ZFYVE1: variants seen among roughly 807,000 people sequenced by gnomAD.
ZFYVE1 encodes zinc finger FYVE-type containing 1.
ZFYVE1 carries 30 observed loss-of-function variants against 74.4 expected under a neutral mutation model. The ratio of observed to expected loss-of-function variants is 0.40; its 90% CI spans 0.30 to 0.55. The LOEUF (loss-of-function observed/expected upper bound fraction) is 0.55. ZFYVE1 is among the 20% of genes least tolerant of loss of function. The pLI is 0.42. For missense variants in ZFYVE1, 703 were observed against 1,011.6 expected (o/e 0.69, Z 4.14); for synonymous variants, 335 against 385.1 (o/e 0.87, Z 1.52).
At chr14:72,999,953 C>T (rs1312107125) in intron 2 of ZFYVE1, among the ~76,000 whole-genome samples, 1 of 151,972 alleles carries the variant, frequency 6.6e-6, no homozygotes, top group Non-Finnish European at 1.5e-5. Context: ...CCCAGCTACT[C>T]GGGAGGCTGA....
intron 4 of ZFYVE1, among the ~76,000 whole-genome samples, chr14:72,988,426 C>T (rs918761865): frequency 2.0e-5 from 3 of 151,806 alleles, no homozygotes; most frequent in African/African-American, 4.8e-5. Context: ...CTGCCTGCTT[C>T]AGCCTCCCAA....
chr14:73,006,776 C>T (rs1399672797), intron 2 of ZFYVE1, among the ~76,000 whole-genome samples: 6 of 143,726 alleles, frequency 4.2e-5, no homozygotes, highest in African/African-American at 1.0e-4. Context: ...AGTGCAGTGC[C>T]GCAATCTTGG....
intron 2 of ZFYVE1, among the ~76,000 whole-genome samples, chr14:73,018,430 CAAAAAAAAAAA>C (rs397853346): frequency 5.4e-5 from 3 of 55,978 alleles, no homozygotes; most frequent in South Asian, 1.5e-3. Context: ...GACTCCATCT[CAAAAAAAAAAA>C]AAAAAAAAAA....
intron 6 of ZFYVE1, among the ~76,000 whole-genome samples, chr14:72,978,612 A>G (rs1893242329): frequency 6.6e-6 from 1 of 150,856 alleles, no homozygotes; most frequent in African/African-American, 2.4e-5. Context: ...AATGTTCGAT[A>G]TAAATTACCC....
intron 2 of ZFYVE1, among the ~76,000 whole-genome samples, chr14:73,013,452 G>C (rs1333099714): frequency 6.6e-6 from 1 of 151,908 alleles, no homozygotes; most frequent in Non-Finnish European, 1.5e-5. Context: ...CACTAAAAAT[G>C]CAAAAATTAG....
intron 2 of ZFYVE1, 52 bp downstream of exon 2, chr14:73,023,974 A>C (rs1405610971): frequency 5.1e-6 from 8 of 1,569,622 alleles, no homozygotes; most frequent in Non-Finnish European, 6.9e-6. Context: ...GCTGGCTTCC[A>C]ACAACAGATC....
At chr14:72,972,562 G>A (rs1206335034) in intron 11 of ZFYVE1, among the ~76,000 whole-genome samples, 1 of 152,128 alleles carries the variant, frequency 6.6e-6, no homozygotes, top group Non-Finnish European at 1.5e-5. Context: ...ACTTTTGCTC[G>A]CTCCCCTACA....
chr14:73,003,708 T>TG (rs562786606), intron 2 of ZFYVE1, among the ~76,000 whole-genome samples: 5 of 148,662 alleles, frequency 3.4e-5, no homozygotes, highest in South Asian at 2.2e-4. Flanking sequence ...AGACTCTAAC[T>TG]GGAAAAAAAA....
intron 2 of ZFYVE1, among the ~76,000 whole-genome samples, chr14:73,011,676 T>C (rs1049035015): frequency 1.3e-5 from 2 of 150,696 alleles, no homozygotes; most frequent in Non-Finnish European, 3.0e-5. Context: ...CCTACCACCA[T>C]GCCAGGCTAA....
chr14:73,018,770 C>T (rs1458996833), intron 2 of ZFYVE1, among the ~76,000 whole-genome samples: 1 of 152,000 alleles, frequency 6.6e-6, no homozygotes, highest in East Asian at 1.9e-4. Context: ...GGGGAAACCC[C>T]ATCTCTACTA....
chr14:72,975,654 G>A lies in ZFYVE1; in HGVS notation c.1703C>T (p.Ala568Val). ...AAGGCTAAGCTCGGACACCGACTGAGCCATGAAGTTCATCCCGTCCAACAG... is the reference window on the plus strand; with the variant it reads ...AAGGCTAAGCTCGGACACCGACTGAACCATGAAGTTCATCCCGTCCAACAG... ...QRLLDGMNFM[A>V]QSVSELSLGP... Residue 568 changes from alanine to valine, a missense_variant, in exon 9 of 12, where the codon GCT becomes GTT. Ala to Val is a moderately conservative substitution (Grantham distance 64). This residue lies in a region of ZFYVE1 where 492 missense variants were observed against 790.0 expected (regional missense o/e 0.62). Transcript: ENST00000556143. The surrounding 1 kb of genome is among the most constrained non-coding windows in gnomAD (Gnocchi z 4.1). 1.2e-6 allele frequency: 2 copies of A among 1,614,210 alleles called. No homozygotes were observed. Among genetic ancestry groups the A allele is most frequent in the South Asian group, 2.2e-5 (2 of 91,090 alleles).
chr14:72,972,070 A>C (rs1476755819), intron 11 of ZFYVE1, among the ~76,000 whole-genome samples: 2 of 152,058 alleles, frequency 1.3e-5, no homozygotes, highest in East Asian at 3.9e-4. Flanking sequence ...AAAAATACAA[A>C]AATTAGCCGG....
intron 5 of ZFYVE1, among the ~76,000 whole-genome samples, chr14:72,980,138 T>A (rs913692960): frequency 1.3e-5 from 2 of 152,190 alleles, no homozygotes; most frequent in Non-Finnish European, 2.9e-5. Context: ...CTCTCCAAGA[T>A]AATCCTTAGT....
intron 11 of ZFYVE1, among the ~76,000 whole-genome samples, chr14:72,973,363 C>T (rs1010554148): frequency 5.9e-5 from 9 of 152,096 alleles, no homozygotes; most frequent in Non-Finnish European, 1.3e-4. Flanking sequence ...GTGGCACGTG[C>T]CTGTAATCCT....
Position 73,024,808 on chromosome 14 carries a change from A to C in ZFYVE1, c.-300T>G, listed in dbSNP as rs1894422451. ...TGACTTGGAAGGGTCTTTTATGGCT[A>C]TCTGAGAGAGGTCTGATGGGTTCAC... On this transcript the variant is annotated 5_prime_UTR_variant, in exon 2 of 12. Transcript: ENST00000556143. The C allele has an allele frequency of 6.5e-6, 2 of 307,728 alleles. No individual in the cohort carries two copies. Among genetic ancestry groups the C allele is most frequent in the South Asian group, 5.7e-5 (1 of 17,516 alleles). The allele number at this position is 307,728 out of a possible 1,614,324, so 19.1% of individuals were successfully genotyped here.
intron 2 of ZFYVE1, among the ~76,000 whole-genome samples, chr14:73,008,844 T>C (rs138176588): frequency 2.4e-4 from 37 of 152,286 alleles, no homozygotes; most frequent in African/African-American, 8.9e-4. Context: ...GACTTAACAG[T>C]AAAAGCTAAG....
intron 3 of ZFYVE1, among the ~76,000 whole-genome samples, chr14:72,995,083 C>T (rs779104501): frequency 7.9e-5 from 12 of 151,646 alleles, no homozygotes; most frequent in African/African-American, 2.7e-4. Context: ...TATTTATTTA[C>T]TTACTTACTT....
At chr14:73,004,944 C>A (rs771619599) in intron 2 of ZFYVE1, among the ~76,000 whole-genome samples, 3 of 149,074 alleles carry the variant, frequency 2.0e-5, no homozygotes, top group Non-Finnish European at 4.4e-5. Flanking sequence ...TGCAGTGAGC[C>A]GAGATCACGC....
At chr14:72,972,943 G>C (rs977052084) in intron 11 of ZFYVE1, among the ~76,000 whole-genome samples, 21 of 152,030 alleles carry the variant, frequency 1.4e-4, no homozygotes, top group Admixed American at 6.5e-5. Context: ...TTGACTTCGT[G>C]ATCCACCTGC....
Sources: allele counts gnomAD v4.1 joint callset (sites outside exome capture counted in the v4.1 genomes callset), GRCh38; gene constraint gnomAD v4.1.1; regional missense constraint gnomAD v4.1.1; non-coding constraint Gnocchi (gnomAD v3.1); transcripts MANE v1.5; gene names NCBI Gene and HGNC (gene_info 2026-07-23, HGNC 2026-07-21).